CSF1R: variants seen among roughly 807,000 people sequenced by gnomAD.
CSF1R encodes colony stimulating factor 1 receptor, also known as macrophage colony-stimulating factor 1 receptor.
A neutral mutation model predicts 110.0 loss-of-function variants in CSF1R; 40 were observed. That is an observed-to-expected ratio of 0.36 (90% CI 0.28 to 0.47). The LOEUF (loss-of-function observed/expected upper bound fraction) is 0.47. CSF1R is among the 20% of genes least tolerant of loss of function. The pLI is 0.99. For missense variants in CSF1R, 1,052 were observed against 1,253.0 expected, an observed-to-expected ratio of 0.84 and a Z score of 2.42; for synonymous variants, 523 against 503.4, an observed-to-expected ratio of 1.04 and a Z score of -0.52.
At chr5:150,077,210 C>A in intron 5 of CSF1R, 66 bp downstream of exon 5, 14 of 1,603,348 alleles carry the variant, frequency 8.7e-6, no homozygotes, top group Non-Finnish European at 1.2e-5. Context: ...GCTTCCTCCT[C>A]AAAACCCTTC....
chr5:150,083,079 G>A (rs1039649339), intron 1 of CSF1R, among the ~76,000 whole-genome samples: 49 of 152,050 alleles, frequency 3.2e-4, no homozygotes, highest in South Asian at 2.1e-4. Context: ...CGCAGGATAA[G>A]GCTGATACCC....
chr5:150,061,611 G>T lies in CSF1R; in HGVS notation c.1754-16C>A, dbSNP rs1288437409. 5 of 1,614,040 alleles carry T rather than the reference G, an allele frequency of 3.1e-6. No homozygotes were observed. The East Asian group carries it at 8.9e-5, about 29-fold the overall frequency. On this transcript the variant is annotated splice_polypyrimidine_tract_variant and intron_variant, in intron 11 of 20. Coordinates refer to ENST00000675795, the MANE Select transcript of CSF1R (RefSeq NM_001288705.3). ...AGGGTCTTACCTGCCACGCACACAG[G>T]TCCCTTAAGTCCCTGGGCACCAAAG...
chr5:150,096,479 G>C (rs949730083), intron 1 of CSF1R, among the ~76,000 whole-genome samples: 4 of 152,190 alleles, frequency 2.6e-5, no homozygotes, highest in Admixed American at 6.5e-5. Context: ...TTAATTCATT[G>C]TATGATACCA....
At chr5:150,093,778 T>C (rs1054021231) in intron 1 of CSF1R, among the ~76,000 whole-genome samples, 13 of 152,210 alleles carry the variant, frequency 8.5e-5, no homozygotes, top group African/African-American at 2.4e-4. Context: ...TGTACAATTA[T>C]TGAGGCCGGG....
intron 1 of CSF1R, among the ~76,000 whole-genome samples, chr5:150,083,349 A>AACAC (rs59055324): frequency 0.073 from 7,750 of 106,222 alleles, 338 homozygotes; most frequent in African/African-American, 0.08. Context: ...CTTCTCTCCC[A>AACAC]ACACACACAC....
intron 12 of CSF1R, 125 bp downstream of exon 12, chr5:150,061,366 C>A: frequency 1.2e-6 from 1 of 842,662 alleles, no homozygotes. Context: ...GTCCTCACCC[C>A]TGAGCTCTGT....
At position 150,061,727 on chromosome 5, in the gene CSF1R, C is replaced by A. The variant is rs2113792545; in HGVS notation, c.1749G>T (p.Gln583His). The part of the protein sequence containing the change: ...EKWEFPRNNL[Q>H]FGKTLGAGAF... ...AGTGATGAGCTGCCATCTCACCAAA[C>A]TGCAGGTTGTTCCGGGGGAACTCCC... is the stretch of plus-strand genomic sequence containing the variant. Residue 583 changes from glutamine to histidine, a missense_variant, in exon 11 of 21, where the codon CAG becomes CAT. By Grantham distance (24) the Gln-to-His change is conservative (BLOSUM62 0). Transcript: ENST00000675795. 1 of 1,614,242 alleles carries A rather than the reference C, an allele frequency of 6.2e-7. No homozygotes were observed. The highest frequency in any genetic ancestry group is 8.5e-7 in the Non-Finnish European group (1 of 1,180,048).
At chr5:150,091,440 G>C (rs1465604749), upstream of CSF1R, among the ~76,000 whole-genome samples, 3 of 152,166 alleles carry the variant, frequency 2.0e-5, no homozygotes, top group Non-Finnish European at 1.5e-5. Flanking sequence ...GCTATAAAGG[G>C]AATGAAATAC....
intron 19 of CSF1R, chr5:150,054,943 T>C (rs990549764): frequency 1.7e-5 from 6 of 357,146 alleles, no homozygotes; most frequent in African/African-American, 8.6e-5. Context: ...TGAGCTATGA[T>C]TGCACACATC....
intron 9 of CSF1R, among the ~76,000 whole-genome samples, chr5:150,068,645 G>A (rs756550145): frequency 1.6e-4 from 24 of 152,134 alleles, no homozygotes; most frequent in Admixed American, 2.0e-4. Context: ...TCTCTGCAGC[G>A]GCCTGGCCTG....
In CSF1R at chr5:150,054,011, T is replaced by G; in HGVS notation, c.*58A>C. 6.5e-7 allele frequency: 1 copy of G among 1,546,358 alleles called. No homozygotes were observed. Among genetic ancestry groups the G allele is most frequent in the East Asian group, 2.3e-5 (1 of 43,516 alleles). ...TGTATGTTCTCCCCGTGTCGCCCCATCCATGGAGGAGTTGAAGTTTGTGGG... is the reference window on the plus strand; with the variant it reads ...TGTATGTTCTCCCCGTGTCGCCCCAGCCATGGAGGAGTTGAAGTTTGTGGG... On this transcript the variant is annotated 3_prime_UTR_variant, in exon 21 of 21. Transcript: ENST00000675795.
chr5:150,098,865 C>T (rs1317344886), intron 1 of CSF1R, among the ~76,000 whole-genome samples: 1 of 149,138 alleles, frequency 6.7e-6, no homozygotes, highest in Non-Finnish European at 1.5e-5. Context: ...GTTTCAAGTG[C>T]TGATAAGGAT....
intron 1 of CSF1R, among the ~76,000 whole-genome samples, chr5:150,099,104 C>T (rs1759318322): frequency 7.1e-6 from 1 of 140,062 alleles, no homozygotes; most frequent in Non-Finnish European, 1.5e-5. Context: ...AGACATGTTT[C>T]ACCATGTTGG....
chr5:150,074,956 ATCC>A (rs1448699035), intron 5 of CSF1R, among the ~76,000 whole-genome samples: 1 of 151,996 alleles, frequency 6.6e-6, no homozygotes, highest in East Asian at 1.9e-4. Flanking sequence ...CAGAAATCCC[ATCC>A]TCCTCCTTTT....
At chr5:150,056,647 C>A (rs538214399) in intron 16 of CSF1R, among the ~76,000 whole-genome samples, 1 of 152,180 alleles carries the variant, frequency 6.6e-6, no homozygotes, top group South Asian at 2.1e-4. Context: ...GTGCAGAGAG[C>A]AGTCTCCAAA....
chr5:150,064,308 A>G (rs1015768232), intron 10 of CSF1R, among the ~76,000 whole-genome samples: 2 of 152,248 alleles, frequency 1.3e-5, no homozygotes, highest in Admixed American at 1.3e-4. Flanking sequence ...AAATGTGGAC[A>G]TTTTTAAAGA....
At chr5:150,058,668 A>C (rs552315309) in intron 14 of CSF1R, among the ~76,000 whole-genome samples, 74 of 152,254 alleles carry the variant, frequency 4.9e-4, no homozygotes, top group African/African-American at 1.7e-3. Flanking sequence ...TCAGGGAATC[A>C]GAAGAGGAAG....
intron 1 of CSF1R, chr5:150,094,486 G>A (rs371480110): frequency 4.4e-6 from 7 of 1,599,210 alleles, no homozygotes; most frequent in East Asian, 2.2e-5. Flanking sequence ...AAGGAATATA[G>A]GCAGATGTAC....
intron 1 of CSF1R, among the ~76,000 whole-genome samples, chr5:150,096,633 C>T (rs1759232759): frequency 6.6e-6 from 1 of 152,146 alleles, no homozygotes; most frequent in Non-Finnish European, 1.5e-5. Context: ...GATAATGCAT[C>T]ATGTCCAAGT....
Sources: gnomAD v4.1 joint callset for allele counts (sites outside exome capture counted in the v4.1 genomes callset) on GRCh38, gnomAD v4.1.1 for gene constraint, MANE v1.5 for transcripts, NCBI Gene and HGNC (gene_info 2026-07-23, HGNC 2026-07-21) for gene names.